Variants in DTWD2 observed in about 807,000 individuals in gnomAD.
The protein encoded by DTWD2 is tRNA-uridine aminocarboxypropyltransferase 2.
Under a neutral mutation model 31.8 loss-of-function variants are expected in DTWD2, and 39 were observed. The observed-to-expected ratio is 1.22, with a 90% confidence interval of 0.95 to 1.60. The LOEUF (loss-of-function observed/expected upper bound fraction) is 1.60. Among genes scored for constraint, DTWD2 ranks in the 40% most tolerant of loss-of-function variants. The pLI, the probability that DTWD2 is intolerant of heterozygous loss-of-function variation, is 0.00. For missense variants in DTWD2, 515 were observed against 381.5 expected, an observed-to-expected ratio of 1.35 and a Z score of -2.92; for synonymous variants, 180 against 142.8, an observed-to-expected ratio of 1.26 and a Z score of -1.86.
intron 4 of DTWD2, among the ~76,000 whole-genome samples, chr5:118,871,088 T>G (rs1020207047): frequency 1.3e-5 from 2 of 152,080 alleles, no homozygotes; most frequent in Non-Finnish European, 2.9e-5. Flanking sequence ...TCACCAGGAG[T>G]AGATTCCATC....
At chr5:118,929,842 A>C (rs1448479) in intron 3 of DTWD2, among the ~76,000 whole-genome samples, 38,436 of 152,020 alleles carry the variant, frequency 0.25, 4,892 homozygotes, top group Middle Eastern at 0.31. Context: ...ATAATAACTG[A>C]AAGTCTGACA....
chr5:118,882,359 T>G (rs547119136), intron 4 of DTWD2, among the ~76,000 whole-genome samples: 7 of 152,342 alleles, frequency 4.6e-5, no homozygotes, highest in African/African-American at 1.4e-4. Flanking sequence ...TGGGCTGGCA[T>G]TGAGTATCTG....
intron 4 of DTWD2, among the ~76,000 whole-genome samples, chr5:118,927,893 T>A (rs1753843191): frequency 6.6e-6 from 1 of 152,132 alleles, no homozygotes; most frequent in African/African-American, 2.4e-5. Context: ...AAGTTAACAT[T>A]ATTTTAATAA....
chr5:118,925,624 T>C (rs909968648), intron 4 of DTWD2, among the ~76,000 whole-genome samples: 1 of 149,740 alleles, frequency 6.7e-6, no homozygotes, highest in Non-Finnish European at 1.5e-5. Flanking sequence ...GGCGGGTGGA[T>C]CACAAGGTCA....
intron 3 of DTWD2, among the ~76,000 whole-genome samples, chr5:118,933,878 C>CTAAATAAATAAA (rs202062539): frequency 3.4e-5 from 5 of 145,410 alleles, no homozygotes; most frequent in East Asian, 2.0e-4. Context: ...GGGAACTGAC[C>CTAAATAAATAAA]TAAATAAATA....
intron 1 of DTWD2, among the ~76,000 whole-genome samples, chr5:118,977,203 A>G (rs1041645621): frequency 2.0e-5 from 3 of 152,238 alleles, no homozygotes; most frequent in African/African-American, 7.2e-5. Flanking sequence ...AATAAGAGCT[A>G]TTTATGACAA....
At position 118,988,405 on chromosome 5, in the gene DTWD2, G is replaced by A. The variant is rs985887617; in HGVS notation, c.107C>T (p.Ala36Val). Reference sequence around the variant, plus strand: ...GCCCAGGGCAGCCGCCGCCGGCACTGCGCCGCCCTCCCGCCGCTCCTTGTC... The same window carrying A: ...GCCCAGGGCAGCCGCCGCCGGCACTACGCCGCCCTCCCGCCGCTCCTTGTC... Reference protein sequence around the residue: ...PNDKERREGGAVPAAAALGAE... With the variant: ...PNDKERREGGVVPAAAALGAE... The change falls in exon 1 of 6, where the codon GCA becomes GTA. Residue 36 changes from alanine to valine, a missense_variant. Ala to Val is a moderately conservative substitution (Grantham distance 64). Transcript: ENST00000510708. 1 of 1,599,122 alleles carries A rather than the reference G, an allele frequency of 6.3e-7. No individual in the cohort carries two copies. The highest frequency in any genetic ancestry group is 8.5e-7 in the Non-Finnish European group (1 of 1,175,044).
chr5:118,892,830 A>G (rs1038741654), intron 4 of DTWD2, among the ~76,000 whole-genome samples: 5 of 152,150 alleles, frequency 3.3e-5, no homozygotes, highest in African/African-American at 1.2e-4. Flanking sequence ...ATGTACAAAC[A>G]TTATTCAATG....
Position 118,988,547 on chromosome 5 carries a change from C to T in DTWD2, c.-36G>A. 2.0e-6 allele frequency: 3 copies of T among 1,467,968 alleles called. No homozygotes were observed. The highest frequency in any genetic ancestry group is 2.7e-6 in the Non-Finnish European group (3 of 1,112,458). The allele number at this position is 1,467,968 out of a possible 1,614,324, so 90.9% of individuals were successfully genotyped here. ...CCGGTCAGGCCGTGGCATTGAAGCC[C>T]GGCTGCCGCCGGGGGGCGCCACGCG... On this transcript the variant is annotated 5_prime_UTR_variant, in exon 1 of 6. Transcript: ENST00000510708.
intron 1 of DTWD2, among the ~76,000 whole-genome samples, chr5:118,965,583 A>T (rs1754824716): frequency 6.6e-6 from 1 of 152,182 alleles, no homozygotes; most frequent in Non-Finnish European, 1.5e-5. Context: ...TACTAAGAAA[A>T]ATTCTTCTGC....
chr5:118,851,647 C>T (rs1752008325), intron 4 of DTWD2, among the ~76,000 whole-genome samples: 1 of 130,280 alleles, frequency 7.7e-6, no homozygotes, highest in Admixed American at 1.0e-4. Context: ...AATGAGAACA[C>T]ATGGACACAG....
At chr5:118,962,770 G>A (rs1252470302) in intron 1 of DTWD2, among the ~76,000 whole-genome samples, 1 of 152,200 alleles carries the variant, frequency 6.6e-6, no homozygotes, top group Non-Finnish European at 1.5e-5. Flanking sequence ...CTGTCAGCAG[G>A]AGGTAGTATT....
intron 4 of DTWD2, among the ~76,000 whole-genome samples, chr5:118,855,870 G>T (rs1752121955): frequency 6.6e-6 from 1 of 151,942 alleles, no homozygotes; most frequent in Non-Finnish European, 1.5e-5. Context: ...TTACTTCAAG[G>T]TATTTACTTT....
intron 1 of DTWD2, among the ~76,000 whole-genome samples, chr5:118,981,858 A>C (rs2149604215): frequency 6.6e-6 from 1 of 152,376 alleles, no homozygotes; most frequent in Non-Finnish European, 1.5e-5. Flanking sequence ...AAAGGAAAAG[A>C]ATCTTTAGAT....
intron 1 of DTWD2, among the ~76,000 whole-genome samples, chr5:118,965,301 G>T (rs1352912179): frequency 6.6e-6 from 1 of 150,722 alleles, no homozygotes; most frequent in Non-Finnish European, 1.5e-5. Flanking sequence ...TCCCCGTCCG[G>T]GAGGTGGGGG....
intron 1 of DTWD2, among the ~76,000 whole-genome samples, chr5:118,970,635 G>C (rs1478957900): frequency 6.6e-6 from 1 of 152,016 alleles, no homozygotes; most frequent in Non-Finnish European, 1.5e-5. Context: ...AGGAAATTCA[G>C]GGAACCCCAG....
In DTWD2 at chr5:118,860,807, T is replaced by G. The variant is rs552766716; in HGVS notation, c.598-12589A>C. On this transcript the variant is annotated intron_variant, in intron 4 of 5. Coordinates refer to ENST00000510708, the MANE Select transcript of DTWD2 (RefSeq NM_173666.4). ...TATCTAAGGGCTCATTTAAACTTAT[T>G]TTTTTCTTTGTCTATTAATATCTTC... 4.0e-4 allele frequency among the ~76,000 whole-genome samples: 61 copies of G among 152,326 alleles called. 1 individual carries two copies. The South Asian group carries it at 9.3e-3, about 23-fold the overall frequency.
intron 4 of DTWD2, among the ~76,000 whole-genome samples, chr5:118,860,350 T>A (rs1380424555): frequency 6.6e-6 from 1 of 151,454 alleles, no homozygotes; most frequent in Non-Finnish European, 1.5e-5. Flanking sequence ...CTTAAAAGTA[T>A]CTAAATATCA....
chr5:118,921,545 AAAAG>A (rs924144165), intron 4 of DTWD2, among the ~76,000 whole-genome samples: 2 of 152,058 alleles, frequency 1.3e-5, no homozygotes, highest in African/African-American at 2.4e-5. Flanking sequence ...GAAAGAAAGA[AAAAG>A]AAAAAAAAAG....
Sources: allele counts gnomAD v4.1 joint callset (sites outside exome capture counted in the v4.1 genomes callset), GRCh38; gene constraint gnomAD v4.1.1; transcripts MANE v1.5; gene names NCBI Gene and HGNC (gene_info 2026-07-23, HGNC 2026-07-21).